MSRA: variants seen among roughly 807,000 people sequenced by gnomAD.
The protein encoded by MSRA is mitochondrial peptide methionine sulfoxide reductase.
A neutral mutation model predicts 31.3 loss-of-function variants in MSRA; 54 were observed. The ratio of observed to expected loss-of-function variants is 1.73; its 90% CI spans 1.39 to 2.17. The LOEUF (loss-of-function observed/expected upper bound fraction) is 2.17, where lower values mean the gene tolerates loss of function less well. Among genes scored for constraint, MSRA ranks in the 30% most tolerant of loss-of-function variants. The pLI, the probability that MSRA is intolerant of heterozygous loss-of-function variation, is 0.00. For synonymous variants in MSRA, 169 were observed against 116.5 expected (o/e 1.45, Z -2.90); for missense variants, 507 against 300.9 (o/e 1.69, Z -5.07).
At chr8:10,231,333 A>G (rs1811456401) in intron 2 of MSRA, among the ~76,000 whole-genome samples, 1 of 152,230 alleles carries the variant, frequency 6.6e-6, no homozygotes, top group African/African-American at 2.4e-5. Flanking sequence ...AGGGAAGCAC[A>G]GAGGGGACTC....
chr8:10,085,820 T>G (rs1267538344), intron 1 of MSRA, among the ~76,000 whole-genome samples: 1 of 152,178 alleles, frequency 6.6e-6, no homozygotes, highest in Non-Finnish European at 1.5e-5. Flanking sequence ...AAAGATAAAT[T>G]TCATAGAAAA....
At chr8:10,170,206 G>T (rs1241399311) in intron 1 of MSRA, among the ~76,000 whole-genome samples, 4 of 151,750 alleles carry the variant, frequency 2.6e-5, no homozygotes, top group Non-Finnish European at 5.9e-5. Flanking sequence ...TTTTCTATAT[G>T]GACAATGCTT....
intron 1 of MSRA, among the ~76,000 whole-genome samples, chr8:10,154,081 A>T (rs767205225): frequency 2.0e-5 from 3 of 152,222 alleles, no homozygotes; most frequent in Non-Finnish European, 2.9e-5. Context: ...AGGAAATAAT[A>T]GTCTGGTATC....
intron 1 of MSRA, among the ~76,000 whole-genome samples, chr8:10,187,236 C>G (rs1585123004): frequency 6.6e-6 from 1 of 152,320 alleles, no homozygotes; most frequent in African/African-American, 2.4e-5. Context: ...CTGAGCATGG[C>G]TTGAAACTTG....
At chr8:10,064,679 T>C (rs188214236) in intron 1 of MSRA, among the ~76,000 whole-genome samples, 184 of 152,338 alleles carry the variant, frequency 1.2e-3, no homozygotes, top group African/African-American at 4.3e-3. Flanking sequence ...TGTTGAATTT[T>C]CCTTTAAAAA....
At chr8:10,074,218 G>C (rs888339503) in intron 1 of MSRA, among the ~76,000 whole-genome samples, 2 of 151,490 alleles carry the variant, frequency 1.3e-5, no homozygotes, top group African/African-American at 4.9e-5. Flanking sequence ...GAGTACCTGG[G>C]ACTACATGCA....
At chr8:10,197,298 A>G (rs961560568) in intron 1 of MSRA, among the ~76,000 whole-genome samples, 4 of 152,196 alleles carry the variant, frequency 2.6e-5, no homozygotes, top group South Asian at 2.1e-4. Context: ...AAATGTGGCA[A>G]TTAATAAAAG....
chr8:10,229,340 T>C (rs114479527), intron 2 of MSRA, among the ~76,000 whole-genome samples: 1,538 of 152,312 alleles, frequency 0.01, 32 homozygotes, highest in African/African-American at 0.036. Flanking sequence ...AGTTGGGTGA[T>C]AACCAAAGAG....
At chr8:10,159,092 G>T (rs1232649362) in intron 1 of MSRA, among the ~76,000 whole-genome samples, 7 of 152,234 alleles carry the variant, frequency 4.6e-5, no homozygotes, top group Admixed American at 4.6e-4. Flanking sequence ...GATACCAGAT[G>T]ATGGATGGCA....
chr8:10,265,577 C>G (rs1798704046), intron 3 of MSRA, among the ~76,000 whole-genome samples: 1 of 152,202 alleles, frequency 6.6e-6, no homozygotes, highest in African/African-American at 2.4e-5. Flanking sequence ...TTTCACTTTT[C>G]AGAGTTCTTT....
intron 1 of MSRA, among the ~76,000 whole-genome samples, chr8:10,135,454 T>C (rs1345361763): frequency 6.6e-6 from 1 of 152,196 alleles, no homozygotes; most frequent in Non-Finnish European, 1.5e-5. Context: ...TGAAAAACAG[T>C]GGAAGTAAAG....
At chr8:10,108,699 A>AG (rs1472626761) in intron 1 of MSRA, among the ~76,000 whole-genome samples, 2 of 152,114 alleles carry the variant, frequency 1.3e-5, no homozygotes, top group Non-Finnish European at 2.9e-5. Flanking sequence ...AGTCCTCACG[A>AG]GGGGGTGTGA....
chr8:10,295,517 G>A (rs147923020), intron 3 of MSRA, among the ~76,000 whole-genome samples: 116 of 152,272 alleles, frequency 7.6e-4, no homozygotes, highest in African/African-American at 2.7e-3. Context: ...GGGACCCCAC[G>A]CAGGCCGAGC....
chr8:10,065,746 G>A (rs560378457), intron 1 of MSRA, among the ~76,000 whole-genome samples: 61 of 152,186 alleles, frequency 4.0e-4, no homozygotes, highest in Non-Finnish European at 7.9e-4. Context: ...GCTGTTGCCG[G>A]ATGGTTGGTA....
chr8:10,181,342 A>G (rs1244268360), intron 1 of MSRA, among the ~76,000 whole-genome samples: 2 of 152,074 alleles, frequency 1.3e-5, no homozygotes, highest in Non-Finnish European at 2.9e-5. Flanking sequence ...AGCAAGTGCA[A>G]ACACCCTGTG....
intron 1 of MSRA, among the ~76,000 whole-genome samples, chr8:10,086,883 A>AGAGAGGGAGAGG (rs3061509): frequency 1.3e-5 from 2 of 150,140 alleles, no homozygotes; most frequent in South Asian, 2.1e-4. Flanking sequence ...AGAGGGAGAG[A>AGAGAGGGAGAGG]GAGAGGGAGA....
At chr8:10,315,786 A>T (rs1164694235) in intron 4 of MSRA, among the ~76,000 whole-genome samples, 1 of 152,220 alleles carries the variant, frequency 6.6e-6, no homozygotes, top group Admixed American at 6.5e-5. Context: ...TAATATTTTC[A>T]TTATTTGGCC....
At chr8:10,237,721 C>T (rs973701877) in intron 2 of MSRA, among the ~76,000 whole-genome samples, 1 of 152,208 alleles carries the variant, frequency 6.6e-6, no homozygotes, top group African/African-American at 2.4e-5. Flanking sequence ...ATCTTCGAGT[C>T]AGCCATAACC....
At chr8:10,353,909 AGG>A (rs1262835788) in intron 5 of MSRA, 2 of 229,328 alleles carry the variant, frequency 8.7e-6, no homozygotes, top group Non-Finnish European at 1.7e-5. Flanking sequence ...AAGGGCTTTA[AGG>A]ATACAAAGGA....
Sources: allele counts gnomAD v4.1 joint callset (sites outside exome capture counted in the v4.1 genomes callset), GRCh38; gene constraint gnomAD v4.1.1; transcripts MANE v1.5; gene names NCBI Gene and HGNC (gene_info 2026-07-23, HGNC 2026-07-21).